Variants in PKN2 observed in about 807,000 individuals in gnomAD.
PKN2 encodes serine/threonine-protein kinase N2.
Under a neutral mutation model 119.1 loss-of-function variants are expected in PKN2, and 38 were observed. The ratio of observed to expected loss-of-function variants is 0.32; its 90% confidence interval spans 0.25 to 0.42. The LOEUF (loss-of-function observed/expected upper bound fraction) is 0.42, where lower values mean the gene tolerates loss of function less well. Among genes scored for constraint, PKN2 ranks in the 10% least tolerant of loss-of-function variants. The probability of loss-of-function intolerance (pLI) is 1.00; values close to 1 mark genes in which losing one functional copy is unlikely to be tolerated. For synonymous variants in PKN2, 390 were observed against 384.9 expected, an observed-to-expected ratio of 1.01 and a Z score of -0.15; for missense variants, 850 against 1,165.1, an observed-to-expected ratio of 0.73 and a Z score of 3.94.
intron 1 of PKN2, among the ~76,000 whole-genome samples, chr1:88,708,962 A>G (rs771612699): frequency 1.3e-5 from 2 of 151,150 alleles, no homozygotes; most frequent in African/African-American, 2.4e-5. Context: ...GTATTTTGAC[A>G]TTGAGCAGCT....
chr1:88,718,319 T>A (rs1667539767), intron 1 of PKN2, among the ~76,000 whole-genome samples: 1 of 152,150 alleles, frequency 6.6e-6, no homozygotes, highest in African/African-American at 2.4e-5. Context: ...GATCTCAAAC[T>A]CCGTCCTGGG....
chr1:88,722,747 C>T (rs936427515), intron 1 of PKN2, among the ~76,000 whole-genome samples: 9 of 150,312 alleles, frequency 6.0e-5, no homozygotes, highest in Non-Finnish European at 1.0e-4. Context: ...TGTGCCACTG[C>T]GCTCTAGCTT....
At chr1:88,706,062 A>C (rs1397981602) in intron 1 of PKN2, among the ~76,000 whole-genome samples, 8 of 151,318 alleles carry the variant, frequency 5.3e-5, no homozygotes, top group Non-Finnish European at 1.2e-4. Flanking sequence ...GTTGCACTGA[A>C]TCTTAGATTA....
At chr1:88,795,509 A>G (rs1671026601) in intron 8 of PKN2, among the ~76,000 whole-genome samples, 1 of 152,204 alleles carries the variant, frequency 6.6e-6, no homozygotes, top group Non-Finnish European at 1.5e-5. Context: ...CCCATATGTT[A>G]AACTGAAGTT....
intron 19 of PKN2, among the ~76,000 whole-genome samples, chr1:88,830,254 T>C (rs192187460): frequency 2.0e-5 from 3 of 152,270 alleles, no homozygotes; most frequent in East Asian, 3.9e-4. Context: ...TCATCCAGCC[T>C]TGTTTCTGTT....
chr1:88,758,881 A>G (rs1034554534), intron 2 of PKN2, among the ~76,000 whole-genome samples: 1 of 152,154 alleles, frequency 6.6e-6, no homozygotes, highest in East Asian at 1.9e-4. Flanking sequence ...AGAACGATTT[A>G]TATTGCTTTG....
chr1:88,748,126 G>A (rs917184382), intron 2 of PKN2, among the ~76,000 whole-genome samples: 1 of 152,084 alleles, frequency 6.6e-6, no homozygotes, highest in Admixed American at 6.6e-5. Context: ...TAGTAAAATT[G>A]TATATATATT....
chr1:88,726,294 A>G (rs1169545600), intron 1 of PKN2, among the ~76,000 whole-genome samples: 1 of 152,192 alleles, frequency 6.6e-6, no homozygotes, highest in East Asian at 1.9e-4. Flanking sequence ...TCACCGTTAC[A>G]TATGATGTTA....
At chr1:88,763,876 T>C (rs1211767888) in intron 3 of PKN2, among the ~76,000 whole-genome samples, 2 of 152,110 alleles carry the variant, frequency 1.3e-5, no homozygotes, top group Admixed American at 6.5e-5. Context: ...TTTATAATGA[T>C]AGAGAATTCA....
rs1669106093 is a variant in PKN2 at position 88,754,074 on chromosome 1, T to C, written c.350-6148T>C. On this transcript the variant is annotated intron_variant, in intron 2 of 21. Transcript: ENST00000370521. ...TGATGTGTCCAAGTGTGGACTTTTT[T>C]CCCCTATATGTTTATGCTTGGGGTT... 2.6e-5 allele frequency among the ~76,000 whole-genome samples: 4 copies of C among 152,180 alleles called. No individual in the cohort carries two copies. The South Asian group carries it at 8.3e-4, about 32-fold the overall frequency.
Position 88,770,357 on chromosome 1 carries a change from G to A in PKN2, c.510G>A (p.Arg170=), listed in dbSNP as rs1329195634. The change falls in exon 4 of 22, where the codon CGG becomes CGA. Residue 170 remains arginine, a synonymous_variant. Coordinates refer to ENST00000370521, the MANE Select transcript of PKN2 (RefSeq NM_006256.4). ...CAAACTTATTTTTTTAATAGGATCG[G>A]AAACTCCATGGTACAGCTCAGCAAC... The part of the protein sequence containing the change: ...QMYSNGSSKD[R]KLHGTAQQLL... 4 of 1,594,038 alleles carry A rather than the reference G, an allele frequency of 2.5e-6. No individual in the cohort carries two copies. The highest frequency in any genetic ancestry group is 1.3e-5 in the African/African-American group (1 of 74,096).
chr1:88,739,821 T>C (rs945992032), intron 1 of PKN2, among the ~76,000 whole-genome samples: 2 of 152,186 alleles, frequency 1.3e-5, no homozygotes, highest in African/African-American at 4.8e-5. Flanking sequence ...AAGGTGACTG[T>C]ACTGTGTATT....
chr1:88,818,739 G>A (rs1389964542), intron 16 of PKN2, among the ~76,000 whole-genome samples: 1 of 151,526 alleles, frequency 6.6e-6, no homozygotes, highest in Non-Finnish European at 1.5e-5. Flanking sequence ...TAAGCAAAAA[G>A]AGCAAATTTG....
chr1:88,785,646 G>A (rs996968906), intron 7 of PKN2, among the ~76,000 whole-genome samples: 3 of 152,076 alleles, frequency 2.0e-5, no homozygotes, highest in African/African-American at 7.2e-5. Context: ...ATAACTGGGG[G>A]GAAAAGCATG....
chr1:88,716,341 A>G (rs1427062322), intron 1 of PKN2, among the ~76,000 whole-genome samples: 1 of 152,044 alleles, frequency 6.6e-6, no homozygotes, highest in Non-Finnish European at 1.5e-5. Context: ...CAAGTCCTGG[A>G]TATCCTTGTT....
intron 1 of PKN2, among the ~76,000 whole-genome samples, chr1:88,696,712 G>A (rs1313980830): frequency 1.3e-5 from 2 of 152,124 alleles, no homozygotes; most frequent in African/African-American, 4.8e-5. Flanking sequence ...AACCTCTTGT[G>A]AGGTTGGGAC....
intron 6 of PKN2, among the ~76,000 whole-genome samples, chr1:88,777,133 G>C (rs1040171182): frequency 1.3e-5 from 2 of 152,024 alleles, no homozygotes; most frequent in African/African-American, 4.8e-5. Context: ...AAGTGCAATT[G>C]ATCTACCTTC....
intron 1 of PKN2, among the ~76,000 whole-genome samples, chr1:88,697,078 TAA>T (rs1423937576): frequency 6.6e-6 from 1 of 152,170 alleles, no homozygotes; most frequent in African/African-American, 2.4e-5. Context: ...AAGTTTTACT[TAA>T]GATATATTTT....
intron 8 of PKN2, among the ~76,000 whole-genome samples, chr1:88,795,458 T>C (rs1418221852): frequency 6.6e-6 from 1 of 152,236 alleles, no homozygotes; most frequent in African/African-American, 2.4e-5. Flanking sequence ...ACAAGATTCT[T>C]GAAAAATAAG....
Sources: allele counts gnomAD v4.1 joint callset (sites outside exome capture counted in the v4.1 genomes callset), GRCh38; gene constraint gnomAD v4.1.1; transcripts MANE v1.5; gene names NCBI Gene and HGNC (gene_info 2026-07-23, HGNC 2026-07-21).